RBM34: variants seen among roughly 807,000 people sequenced by gnomAD.
The protein encoded by RBM34 is RNA binding motif protein 34.
RBM34 carries 39 observed loss-of-function variants against 44.6 expected under a neutral mutation model. The observed-to-expected ratio is 0.87, with a 90% CI of 0.68 to 1.14. The LOEUF is 1.14. Among genes scored for constraint, RBM34 ranks in the 50% most tolerant of loss-of-function variants. RBM34 has a pLI of 0.00. For synonymous variants in RBM34, 194 were observed against 184.0 expected (o/e 1.05, Z -0.44); for missense variants, 572 against 517.9 (o/e 1.10, Z -1.01).
chr1:235,139,061 T>C (rs1661564750), intron 6 of RBM34, among the ~76,000 whole-genome samples: 1 of 152,204 alleles, frequency 6.6e-6, no homozygotes. Flanking sequence ...TACCCTTTTG[T>C]CAATGACTGC....
At chr1:235,135,819 A>C (rs1437459221) in intron 9 of RBM34, 49 bp from the exon 10 acceptor site, 1 of 1,491,946 alleles carries the variant, frequency 6.7e-7, no homozygotes, top group East Asian at 2.3e-5. Flanking sequence ...GGAGCCCCTC[A>C]GAAACATGGA....
At chr1:235,159,418 C>A (rs114936962) in intron 3 of RBM34, among the ~76,000 whole-genome samples, 1,676 of 151,452 alleles carry the variant, frequency 0.011, 31 homozygotes, top group African/African-American at 0.035. Context: ...GGTGTGATGG[C>A]GCGCCCATAG....
chr1:235,141,590 A>G (rs1354737951), intron 6 of RBM34, among the ~76,000 whole-genome samples: 1 of 152,122 alleles, frequency 6.6e-6, no homozygotes, highest in Non-Finnish European at 1.5e-5. Context: ...CCCCTTCCAC[A>G]CTGTGGAAGC....
intron 6 of RBM34, among the ~76,000 whole-genome samples, chr1:235,138,561 G>A (rs978981816): frequency 6.6e-6 from 1 of 152,048 alleles, no homozygotes; most frequent in African/African-American, 2.4e-5. Context: ...ATATAGAAGA[G>A]TGCACAAACT....
chr1:235,141,788 G>C (rs1028795684), intron 6 of RBM34, among the ~76,000 whole-genome samples: 7 of 151,992 alleles, frequency 4.6e-5, no homozygotes, highest in African/African-American at 1.7e-4. Context: ...CACTCACTGC[G>C]AAGGTCTGCA....
chr1:235,150,565 C>G (rs904980089), intron 5 of RBM34, among the ~76,000 whole-genome samples: 2 of 152,070 alleles, frequency 1.3e-5, no homozygotes, highest in African/African-American at 4.8e-5. Context: ...CCAGGCAAAA[C>G]AAATGGACTG....
At chr1:235,151,012 C>T (rs1662137264) in intron 5 of RBM34, among the ~76,000 whole-genome samples, 1 of 152,054 alleles carries the variant, frequency 6.6e-6, no homozygotes, top group South Asian at 2.1e-4. Context: ...AGAAGAGCTT[C>T]AGGAAGACTG....
rs756462392 is a variant in RBM34, at chr1:235,132,800, AC to A, written c.1009-804del. 6.8e-4 allele frequency among the ~76,000 whole-genome samples: 103 copies of A among 152,208 alleles called. 1 individual carries two copies. Among genetic ancestry groups the A allele is most frequent in the Non-Finnish European group, 1.3e-3 (89 of 68,024 alleles). On this transcript the variant is annotated intron_variant, in intron 10 of 10. Transcript: ENST00000408888. ...CAATATAGAGCCATTAATGCTAACAACCCTGAATATCCATGAGATGTTTGTT... is the reference window on the plus strand; with the variant it reads ...CAATATAGAGCCATTAATGCTAACAACCTGAATATCCATGAGATGTTTGTT...
intron 10 of RBM34, among the ~76,000 whole-genome samples, chr1:235,133,403 C>T (rs192285765): frequency 6.6e-6 from 1 of 152,252 alleles, no homozygotes; most frequent in East Asian, 1.9e-4. Flanking sequence ...AGAATTCTAC[C>T]AAGGTCCAAC....
In RBM34 at chr1:235,160,903, G is replaced by A. The variant is rs188788611; in HGVS notation, c.218C>T (p.Pro73Leu). Residue 73 changes from proline to leucine, a missense_variant, in exon 2 of 11, where the codon CCT (proline) becomes CTT (leucine). Transcript: ENST00000408888. ...AGCCCAGTGACTTACTTTAGGCACA[G>A]GCACGTACACGGGTTGAATCTGGGG... The part of the protein sequence containing the change: ...LEPQIQPVYV[P>L]VPKQTIKKTK... 6.9e-5 allele frequency: 111 copies of A among 1,614,080 alleles called. 2 individuals are homozygous for A. In the East Asian group the frequency reaches 2.4e-3, roughly 34 times the overall value.
chr1:235,139,223 T>C (rs778396258), intron 6 of RBM34, among the ~76,000 whole-genome samples: 6 of 152,160 alleles, frequency 3.9e-5, no homozygotes, highest in Non-Finnish European at 5.9e-5. Flanking sequence ...GTAAGAAAAA[T>C]GCTACTACAC....
At chr1:235,158,882 C>T (rs1050793094) in intron 3 of RBM34, among the ~76,000 whole-genome samples, 54 of 150,280 alleles carry the variant, frequency 3.6e-4, no homozygotes, top group Non-Finnish European at 4.6e-4. Flanking sequence ...CTTGGGGAGA[C>T]GGAGGTAGGA....
In RBM34 at chr1:235,135,665, T is replaced by C. The variant is rs754345170; in HGVS notation, c.995A>G (p.Tyr332Cys). The C allele has an allele frequency of 1.3e-5, 21 of 1,613,684 alleles. No individual in the cohort carries two copies. The Middle Eastern group carries it at 4.9e-4, about 38-fold the overall frequency. ...KMTGIGKGFG[Y>C]VLFENTDSVH... ...AGTCTCCCATACCTCAAAGAGCACA[T>C]AGCCAAACCCTTTGCCGATGCCTGT... The change falls in exon 10 of 11, where the codon TAT becomes TGT. Residue 332 changes from tyrosine (Y) to cysteine (C), a missense_variant. Physicochemically the swap from Tyr to Cys is radical, Grantham distance 194. Coordinates refer to ENST00000408888, the MANE Select transcript of RBM34 (RefSeq NM_015014.4).
At chr1:235,143,669 T>C (rs1490919026) in intron 6 of RBM34, among the ~76,000 whole-genome samples, 1 of 151,574 alleles carries the variant, frequency 6.6e-6, no homozygotes, top group Non-Finnish European at 1.5e-5. Flanking sequence ...ACCCGGGAGG[T>C]AGAGGTTGCA....
At position 235,160,560 on chromosome 1, in the gene RBM34, C is replaced by G. The variant is rs1349563384; in HGVS notation, c.316G>C (p.Val106Leu). 7 of 1,613,926 alleles carry G rather than the reference C, an allele frequency of 4.3e-6. No homozygotes were observed. The highest frequency in any genetic ancestry group is 5.9e-6 in the Non-Finnish European group (7 of 1,180,008). ...RPLSQEPAKK[V>L]KAKKKHTNAE... ...TTAGTGTGTTTCTTCTTCGCTTTCA[C>G]TTTTTTGGCAGGTTCTTGCGAAAGT... The change falls in exon 3 of 11, where the codon GTG (valine) becomes CTG (leucine). Residue 106 changes from valine to leucine, a missense_variant. Physicochemically the swap from Val to Leu is conservative, Grantham distance 32. Coordinates refer to ENST00000408888, the MANE Select transcript of RBM34 (RefSeq NM_015014.4).
chr1:235,151,997 C>T (rs1005545058), intron 5 of RBM34, among the ~76,000 whole-genome samples: 5 of 151,672 alleles, frequency 3.3e-5, no homozygotes, highest in Non-Finnish European at 5.9e-5. Context: ...CGCACCACTG[C>T]ACTCCAGCCT....
At chr1:235,132,036 A>G in intron 10 of RBM34, 39 bp from the exon 11 acceptor site, 1 of 1,509,024 alleles carries the variant, frequency 6.6e-7, no homozygotes, top group South Asian at 1.3e-5. Flanking sequence ...GCTACCAGAA[A>G]CCCATCTGCA....
chr1:235,154,800 T>C (rs546216799), intron 4 of RBM34, 81 bp downstream of exon 4: 17 of 1,081,768 alleles, frequency 1.6e-5, no homozygotes, highest in South Asian at 3.9e-5. Flanking sequence ...GTTATATCCA[T>C]GACTTACTAT....
At chr1:235,158,325 G>A (rs912224756) in intron 3 of RBM34, among the ~76,000 whole-genome samples, 3 of 151,762 alleles carry the variant, frequency 2.0e-5, no homozygotes, top group Non-Finnish European at 4.4e-5. Context: ...GCTGAGGCAG[G>A]AGAATCGCTT....
Sources: gnomAD v4.1 joint callset for allele counts (sites outside exome capture counted in the v4.1 genomes callset) on GRCh38, gnomAD v4.1.1 for gene constraint, MANE v1.5 for transcripts, NCBI Gene and HGNC (gene_info 2026-07-23, HGNC 2026-07-21) for gene names.